Variants in GABRB1 observed in about 807,000 individuals in gnomAD.
GABRB1 encodes the protein gamma-aminobutyric acid receptor subunit beta-1.
Under a neutral mutation model 51.6 loss-of-function variants are expected in GABRB1, and 17 were observed. The ratio of observed to expected loss-of-function variants is 0.33; its 90% confidence interval spans 0.23 to 0.49. The LOEUF (loss-of-function observed/expected upper bound fraction) is 0.49. GABRB1 is among the 20% of genes least tolerant of loss of function. The pLI, the probability that GABRB1 is intolerant of heterozygous loss-of-function variation, is 0.99. For missense variants in GABRB1, 410 were observed against 600.6 expected, an observed-to-expected ratio of 0.68 and a Z score of 3.32; for synonymous variants, 247 against 218.9, an observed-to-expected ratio of 1.13 and a Z score of -1.14.
intron 3 of GABRB1, among the ~76,000 whole-genome samples, chr4:47,135,138 G>C (rs1389460302): frequency 6.6e-6 from 1 of 151,988 alleles, no homozygotes. Context: ...AACATGTAAG[G>C]AGTAGAGGAT....
At chr4:47,313,487 G>A (rs992414639) in intron 4 of GABRB1, among the ~76,000 whole-genome samples, 1 of 152,216 alleles carries the variant, frequency 6.6e-6, no homozygotes, top group Admixed American at 6.5e-5. Flanking sequence ...TATTAGGCAA[G>A]GAGAACAAAT....
At position 47,228,438 on chromosome 4, in the gene GABRB1, G is replaced by A. The variant is rs191465516; in HGVS notation, c.461+66969G>A. Among the ~76,000 whole-genome samples the A allele has an allele frequency of 3.9e-5, 6 of 152,130 alleles. No homozygotes were observed. In the East Asian group the frequency reaches 1.2e-3, roughly 29 times the overall value. Reference sequence around the variant, plus strand: ...CTCCAGAATTGAAAGAAAAAAAAATGCTTACCAGGTACTTTCTTCTGTTTC... The same window carrying A: ...CTCCAGAATTGAAAGAAAAAAAAATACTTACCAGGTACTTTCTTCTGTTTC... On this transcript the variant is annotated intron_variant, in intron 4 of 8. Coordinates refer to ENST00000295454, the MANE Select transcript of GABRB1 (RefSeq NM_000812.4).
intron 5 of GABRB1, among the ~76,000 whole-genome samples, chr4:47,329,663 T>C (rs960413040): frequency 6.7e-6 from 1 of 148,496 alleles, no homozygotes; most frequent in African/African-American, 2.4e-5. Context: ...TGGTATATGA[T>C]ATATATAAAA....
intron 3 of GABRB1, among the ~76,000 whole-genome samples, chr4:47,122,794 C>T (rs1197251329): frequency 6.6e-6 from 1 of 152,126 alleles, no homozygotes; most frequent in Non-Finnish European, 1.5e-5. Flanking sequence ...CCACAGTGGG[C>T]AAGAAGCTCA....
upstream of GABRB1, among the ~76,000 whole-genome samples, chr4:47,026,821 A>G (rs1295024411): frequency 6.6e-6 from 1 of 152,106 alleles, no homozygotes; most frequent in Non-Finnish European, 1.5e-5. Flanking sequence ...TTATCTCAGT[A>G]GAGGTTAAAA....
rs1024628725 is a variant in GABRB1 at position 47,329,206 on chromosome 4, T to A, written c.544+8997T>A. 2.6e-5 allele frequency among the ~76,000 whole-genome samples: 4 copies of A among 152,032 alleles called. No homozygotes were observed. The East Asian group carries it at 7.7e-4, about 29-fold the overall frequency. ...CATTCAGAAAGAGGAGACCAAGATA[T>A]CTGTAAGAAAAATATAAGAAGGCAT... On this transcript the variant is annotated intron_variant, in intron 5 of 8. Transcript: ENST00000295454.
chr4:47,348,654 T>A (rs1014782900), intron 5 of GABRB1, among the ~76,000 whole-genome samples: 1 of 152,228 alleles, frequency 6.6e-6, no homozygotes, highest in Non-Finnish European at 1.5e-5. Context: ...TGTAGAGGAC[T>A]GACCCTCCAG....
chr4:47,420,133 A>G (rs1307206435), intron 8 of GABRB1, among the ~76,000 whole-genome samples: 1 of 152,224 alleles, frequency 6.6e-6, no homozygotes, highest in Non-Finnish European at 1.5e-5. Flanking sequence ...GAACAACTGC[A>G]GACTTTACCC....
Position 47,254,949 on chromosome 4 carries a change from T to A in GABRB1, c.462-65178T>A, listed in dbSNP as rs113848029. On this transcript the variant is annotated intron_variant, in intron 4 of 8. Coordinates refer to ENST00000295454, the MANE Select transcript of GABRB1 (RefSeq NM_000812.4). ...AGAGAACTGAGGCTAGACCATCTCA[T>A]ACAATTCTGCCTATTTGCTCAGTAA... is the stretch of plus-strand genomic sequence containing the variant. 1.6e-3 allele frequency among the ~76,000 whole-genome samples: 242 copies of A among 152,352 alleles called. 2 individuals are homozygous for A. The highest frequency in any genetic ancestry group is 5.1e-3 in the African/African-American group (213 of 41,580).
rs1236096625 is a variant in GABRB1, at chr4:47,247,458, C to T, written c.462-72669C>T. Among the ~76,000 whole-genome samples the T allele has an allele frequency of 3.3e-5, 5 of 152,156 alleles. No individual in the cohort carries two copies. In the South Asian group the frequency reaches 8.3e-4, roughly 25 times the overall value. On this transcript the variant is annotated intron_variant, in intron 4 of 8. Coordinates refer to ENST00000295454, the MANE Select transcript of GABRB1 (RefSeq NM_000812.4). ...TAGTTTGAAATCAGGTAGTGTGATG[C>T]CTCCAGATTTGTTATTTTTGCTTAG...
intron 3 of GABRB1, among the ~76,000 whole-genome samples, chr4:47,035,074 A>G (rs1327900745): frequency 6.6e-6 from 1 of 152,172 alleles, no homozygotes; most frequent in East Asian, 1.9e-4. Flanking sequence ...GCTTATATTT[A>G]TGTTTTTATT....
At chr4:47,297,788 G>T (rs546104007) in intron 4 of GABRB1, among the ~76,000 whole-genome samples, 36 of 152,112 alleles carry the variant, frequency 2.4e-4, no homozygotes, top group Admixed American at 2.3e-3. Context: ...TATCAAAGCC[G>T]GGCAGAGACA....
At chr4:47,276,718 T>C (rs764316125) in intron 4 of GABRB1, among the ~76,000 whole-genome samples, 3 of 152,150 alleles carry the variant, frequency 2.0e-5, no homozygotes, top group Non-Finnish European at 4.4e-5. Flanking sequence ...ATGCAGAATT[T>C]CTTAACTTTG....
chr4:47,380,642 A>G lies in GABRB1; in HGVS notation c.545-22676A>G, dbSNP rs552973779. ...TAAAAATGGAAATTCTTTGAAGAAA[A>G]AGAGTACTTCAGCATCCTCTTAAAA... On this transcript the variant is annotated intron_variant, in intron 5 of 8. Coordinates refer to ENST00000295454, the MANE Select transcript of GABRB1 (RefSeq NM_000812.4). 1.6e-4 allele frequency among the ~76,000 whole-genome samples: 25 copies of G among 152,344 alleles called. No individual in the cohort carries two copies. The South Asian group carries it at 3.1e-3, about 19-fold the overall frequency.
chr4:47,037,796 C>T (rs150830506), intron 3 of GABRB1, among the ~76,000 whole-genome samples: 134 of 152,136 alleles, frequency 8.8e-4, no homozygotes, highest in African/African-American at 2.9e-3. Context: ...AATTCTTACC[C>T]CTCCCCACCA....
intron 1 of GABRB1, among the ~76,000 whole-genome samples, chr4:47,026,397 T>C (rs1428447697): frequency 6.6e-6 from 1 of 152,066 alleles, no homozygotes; most frequent in African/African-American, 2.4e-5. Flanking sequence ...AGGCACTAAA[T>C]ATTTATTTTA....
At chr4:47,373,422 A>G (rs1263706860) in intron 5 of GABRB1, among the ~76,000 whole-genome samples, 1 of 152,210 alleles carries the variant, frequency 6.6e-6, no homozygotes. Flanking sequence ...TTTGGGGACA[A>G]AACATGAGTT....
At chr4:47,261,085 CCA>C (rs1426674126) in intron 4 of GABRB1, among the ~76,000 whole-genome samples, 1 of 152,134 alleles carries the variant, frequency 6.6e-6, no homozygotes, top group Non-Finnish European at 1.5e-5. Flanking sequence ...GAACCCACAG[CCA>C]ATATCATACT....
chr4:47,375,018 T>C (rs947677349), intron 5 of GABRB1, among the ~76,000 whole-genome samples: 1 of 152,218 alleles, frequency 6.6e-6, no homozygotes, highest in East Asian at 1.9e-4. Context: ...TTTTACCACA[T>C]GGATATTTTA....
Sources: gnomAD v4.1 joint callset for allele counts (sites outside exome capture counted in the v4.1 genomes callset) on GRCh38, gnomAD v4.1.1 for gene constraint, MANE v1.5 for transcripts, NCBI Gene and HGNC (gene_info 2026-07-23, HGNC 2026-07-21) for gene names.